The following KCNMB2 variants were observed in gnomAD, a reference collection of about 807,000 sequenced individuals.
KCNMB2 encodes potassium calcium-activated channel subfamily M regulatory beta subunit 2.
KCNMB2 carries 9 observed loss-of-function variants against 24.5 expected under a neutral mutation model. The observed-to-expected ratio is 0.37, with a 90% CI of 0.22 to 0.64. KCNMB2 has a LOEUF of 0.64. Among genes scored for constraint, KCNMB2 ranks in the 30% least tolerant of loss-of-function variants. The probability of loss-of-function intolerance (pLI) is 0.63; values close to 1 mark genes in which losing one functional copy is unlikely to be tolerated. For missense variants in KCNMB2, 226 were observed against 284.3 expected (o/e 0.79, Z 1.47); for synonymous variants, 109 against 104.4 (o/e 1.04, Z -0.27).
intron 1 of KCNMB2, among the ~76,000 whole-genome samples, chr3:178,730,888 C>A (rs1368812548): frequency 6.6e-6 from 1 of 152,134 alleles, no homozygotes; most frequent in Non-Finnish European, 1.5e-5. Flanking sequence ...TCCCTGACTA[C>A]ACAATCTAAA....
intron 1 of KCNMB2, among the ~76,000 whole-genome samples, chr3:178,730,871 G>A (rs1723128340): frequency 6.6e-6 from 1 of 152,076 alleles, no homozygotes; most frequent in South Asian, 2.1e-4. Context: ...CATCTGCAGG[G>A]AGGCTGTCCC....
chr3:178,668,021 T>C (rs1720778926), intron 1 of KCNMB2, among the ~76,000 whole-genome samples: 3 of 152,128 alleles, frequency 2.0e-5, no homozygotes, highest in African/African-American at 7.2e-5. Context: ...ATATTATACA[T>C]GGATCAGTCA....
chr3:178,636,176 C>T (rs1719513220), intron 1 of KCNMB2, among the ~76,000 whole-genome samples: 1 of 152,128 alleles, frequency 6.6e-6, no homozygotes. Context: ...AGCCCAGGGA[C>T]TTACAGAAAA....
At chr3:178,732,544 A>T (rs911541004) in intron 1 of KCNMB2, among the ~76,000 whole-genome samples, 1 of 152,194 alleles carries the variant, frequency 6.6e-6, no homozygotes, top group Non-Finnish European at 1.5e-5. Context: ...ATTGTTTAAA[A>T]TGTCCCCCAA....
chr3:178,825,946 T>C (rs1331796043), intron 3 of KCNMB2, among the ~76,000 whole-genome samples, 188 bp downstream of exon 3: 2 of 152,196 alleles, frequency 1.3e-5, no homozygotes, highest in African/African-American at 4.8e-5. Flanking sequence ...ATGTATAATC[T>C]GGATACCAGG....
chr3:178,592,681 T>C (rs1445302051), intron 1 of KCNMB2, among the ~76,000 whole-genome samples: 1 of 152,132 alleles, frequency 6.6e-6, no homozygotes, highest in Non-Finnish European at 1.5e-5. Context: ...GGTAGGTCTA[T>C]ACGTTTTGGT....
At chr3:178,673,261 G>T (rs1171994264) in intron 1 of KCNMB2, among the ~76,000 whole-genome samples, 2 of 152,098 alleles carry the variant, frequency 1.3e-5, no homozygotes, top group African/African-American at 4.8e-5. Context: ...TACGACAATG[G>T]AAGGAGTCTC....
At chr3:178,757,329 TATGTATATATATCC>T (rs1724112120) in intron 1 of KCNMB2, among the ~76,000 whole-genome samples, 2 of 106,880 alleles carry the variant, frequency 1.9e-5, no homozygotes, top group African/African-American at 7.6e-5. Context: ...GACATATATA[TATGTATATATATCC>T]AAGAGGATAT....
At chr3:178,722,422 T>C (rs544985628) in intron 1 of KCNMB2, among the ~76,000 whole-genome samples, 1 of 152,324 alleles carries the variant, frequency 6.6e-6, no homozygotes, top group African/African-American at 2.4e-5. Flanking sequence ...GCACAGGCCT[T>C]CTTGCTGCAT....
intron 4 of KCNMB2, among the ~76,000 whole-genome samples, chr3:178,833,652 C>G (rs909179265): frequency 7.2e-5 from 11 of 152,180 alleles, no homozygotes; most frequent in African/African-American, 2.7e-4. Context: ...TGAGATACAT[C>G]AGGCGCTACT....
At chr3:178,715,000 GA>G (rs1722573308) in intron 1 of KCNMB2, among the ~76,000 whole-genome samples, 3 of 151,862 alleles carry the variant, frequency 2.0e-5, no homozygotes, top group Admixed American at 6.5e-5. Flanking sequence ...GCACTGAAAA[GA>G]AAAAAATATC....
intron 1 of KCNMB2, among the ~76,000 whole-genome samples, chr3:178,666,104 G>A (rs1401391652): frequency 1.3e-5 from 2 of 152,096 alleles, no homozygotes; most frequent in Admixed American, 1.3e-4. Flanking sequence ...AGGGAAGTAG[G>A]TGTAAATGTT....
At chr3:178,620,426 G>C (rs528201836) in intron 1 of KCNMB2, among the ~76,000 whole-genome samples, 9 of 152,218 alleles carry the variant, frequency 5.9e-5, no homozygotes, top group African/African-American at 1.9e-4. Context: ...GAATGAGAGG[G>C]ATATACACAG....
chr3:178,665,111 T>C (rs1000248286), intron 1 of KCNMB2, among the ~76,000 whole-genome samples: 3 of 152,130 alleles, frequency 2.0e-5, no homozygotes, highest in African/African-American at 7.2e-5. Context: ...GGCATTTGTT[T>C]GCTGACAGAC....
chr3:178,594,028 A>T (rs956697635), intron 1 of KCNMB2, among the ~76,000 whole-genome samples: 1 of 151,588 alleles, frequency 6.6e-6, no homozygotes, highest in Non-Finnish European at 1.5e-5. Context: ...TTCTTCTGGT[A>T]TGCCCTCTTC....
At chr3:178,730,909 C>A (rs1280126888) in intron 1 of KCNMB2, among the ~76,000 whole-genome samples, 3 of 152,144 alleles carry the variant, frequency 2.0e-5, no homozygotes, top group African/African-American at 4.8e-5. Flanking sequence ...ACAGTACCCC[C>A]TCTAATTGCT....
At chr3:178,685,512 G>A (rs761470141) in intron 1 of KCNMB2, among the ~76,000 whole-genome samples, 1 of 152,174 alleles carries the variant, frequency 6.6e-6, no homozygotes, top group Non-Finnish European at 1.5e-5. Flanking sequence ...AGACCAAGGT[G>A]GCTATTGCTT....
chr3:178,825,934 C>G (rs1714817123), intron 3 of KCNMB2, among the ~76,000 whole-genome samples, 176 bp downstream of exon 3: 1 of 152,176 alleles, frequency 6.6e-6, no homozygotes, highest in Non-Finnish European at 1.5e-5. Context: ...ACATATAGCT[C>G]TATGTATAAT....
intron 1 of KCNMB2, among the ~76,000 whole-genome samples, chr3:178,640,762 G>A (rs1719695739): frequency 6.6e-6 from 1 of 152,104 alleles, no homozygotes; most frequent in Non-Finnish European, 1.5e-5. Context: ...ACTAAAAACT[G>A]AGAACCAAAT....
Sources: gnomAD v4.1 joint callset for allele counts (sites outside exome capture counted in the v4.1 genomes callset) on GRCh38, gnomAD v4.1.1 for gene constraint, MANE v1.5 for transcripts, NCBI Gene and HGNC (gene_info 2026-07-23, HGNC 2026-07-21) for gene names.